Variants in RAB3C observed in about 807,000 individuals in gnomAD.
The protein encoded by RAB3C is ras-related protein Rab-3C.
A neutral mutation model predicts 26.4 loss-of-function variants in RAB3C; 17 were observed. That is an observed-to-expected ratio of 0.64 (90% CI 0.44 to 0.97). The LOEUF (loss-of-function observed/expected upper bound fraction) is 0.97, where lower values mean the gene tolerates loss of function less well. Ranked by LOEUF, RAB3C falls within the 50% of genes least tolerant of loss-of-function variation. The pLI is 0.00. For synonymous variants in RAB3C, 91 were observed against 95.9 expected, an observed-to-expected ratio of 0.95 and a Z score of 0.30; for missense variants, 242 against 281.9, an observed-to-expected ratio of 0.86 and a Z score of 1.01.
chr5:58,718,864 G>A (rs293027), intron 2 of RAB3C, among the ~76,000 whole-genome samples: 82,178 of 151,470 alleles, frequency 0.54, 22,649 homozygotes, highest in Non-Finnish European at 0.6. Context: ...AACTGCTCTA[G>A]GGAAAAAGTT....
intron 2 of RAB3C, among the ~76,000 whole-genome samples, chr5:58,705,895 A>T (rs1748934234): frequency 6.6e-6 from 1 of 152,156 alleles, no homozygotes; most frequent in Admixed American, 6.6e-5. Context: ...ATGGGAGATA[A>T]GGCTGCACTT....
At chr5:58,807,807 G>A (rs1742976229) in intron 3 of RAB3C, among the ~76,000 whole-genome samples, 1 of 150,466 alleles carries the variant, frequency 6.6e-6, no homozygotes, top group South Asian at 2.1e-4. Flanking sequence ...ATAGCACAGT[G>A]GGTACTCTCC....
At chr5:58,598,643 G>C (rs1051616727) in intron 1 of RAB3C, among the ~76,000 whole-genome samples, 4 of 152,058 alleles carry the variant, frequency 2.6e-5, no homozygotes, top group Non-Finnish European at 4.4e-5. Context: ...CCTCCTTGTA[G>C]TGTGTCTGGA....
intron 2 of RAB3C, among the ~76,000 whole-genome samples, chr5:58,658,970 A>T (rs1747840295): frequency 6.6e-6 from 1 of 152,170 alleles, no homozygotes; most frequent in Admixed American, 6.5e-5. Context: ...GTCCAGCCCA[A>T]ATTCAAAGGA....
At chr5:58,669,891 A>G (rs574678924) in intron 2 of RAB3C, among the ~76,000 whole-genome samples, 113 of 152,196 alleles carry the variant, frequency 7.4e-4, no homozygotes, top group African/African-American at 2.6e-3. Flanking sequence ...TCCTTAACCA[A>G]TGCTTTTTCC....
intron 3 of RAB3C, among the ~76,000 whole-genome samples, chr5:58,785,756 A>C (rs1337733232): frequency 1.3e-5 from 2 of 152,246 alleles, no homozygotes; most frequent in Non-Finnish European, 2.9e-5. Context: ...TACAGTTGCT[A>C]ATCAGCTGAC....
chr5:58,610,837 A>C (rs1746684043), intron 1 of RAB3C, among the ~76,000 whole-genome samples: 1 of 152,038 alleles, frequency 6.6e-6, no homozygotes, highest in South Asian at 2.1e-4. Flanking sequence ...TGTTGTACAG[A>C]TTATTTCATC....
rs180742655 is a variant in RAB3C, at chr5:58,715,282, A to T, written c.253-10720A>T. ...TAGCCTTTTCTCCAGGACTAAAAGT[A>T]TTTTTTTTTTCCTAGAGGGTAGACA... On this transcript the variant is annotated intron_variant, in intron 2 of 4. Coordinates refer to ENST00000282878, the MANE Select transcript of RAB3C (RefSeq NM_138453.4). 6.7e-3 allele frequency among the ~76,000 whole-genome samples: 991 copies of T among 148,334 alleles called. 9 individuals carry two copies. The highest frequency in any genetic ancestry group is 0.023 in the African/African-American group (932 of 40,538).
At chr5:58,797,555 TC>T in intron 3 of RAB3C, among the ~76,000 whole-genome samples, 1 of 151,698 alleles carries the variant, frequency 6.6e-6, no homozygotes, top group Non-Finnish European at 1.5e-5. Flanking sequence ...ATAAACGTCC[TC>T]CTTCCCTCCA....
chr5:58,787,831 G>T (rs1742425986), intron 3 of RAB3C, among the ~76,000 whole-genome samples: 1 of 152,222 alleles, frequency 6.6e-6, no homozygotes, highest in Non-Finnish European at 1.5e-5. Context: ...TGACGTTCAA[G>T]TCAGTGCTGT....
intron 1 of RAB3C, among the ~76,000 whole-genome samples, chr5:58,603,970 G>T (rs10064903): frequency 0.017 from 2,525 of 152,266 alleles, 69 homozygotes; most frequent in African/African-American, 0.056. Context: ...GAAGGCTGTT[G>T]TTCAGATTTC....
At chr5:58,763,524 C>A (rs1212760457) in intron 3 of RAB3C, among the ~76,000 whole-genome samples, 2 of 152,184 alleles carry the variant, frequency 1.3e-5, no homozygotes, top group African/African-American at 4.8e-5. Context: ...GTGAGTAGAT[C>A]TGGTTCTTCT....
intron 2 of RAB3C, among the ~76,000 whole-genome samples, chr5:58,679,300 A>G (rs948632465): frequency 2.0e-5 from 3 of 152,148 alleles, no homozygotes; most frequent in East Asian, 3.9e-4. Flanking sequence ...CTTGATCTCT[A>G]TGAGACTCAT....
chr5:58,649,683 C>G (rs1747602837), intron 2 of RAB3C, among the ~76,000 whole-genome samples: 1 of 152,102 alleles, frequency 6.6e-6, no homozygotes, highest in South Asian at 2.1e-4. Context: ...GCCCGACAAG[C>G]TCTTGTCTCT....
chr5:58,599,157 A>G (rs1746395180), intron 1 of RAB3C, among the ~76,000 whole-genome samples: 1 of 152,172 alleles, frequency 6.6e-6, no homozygotes, highest in East Asian at 1.9e-4. Flanking sequence ...GCTCTTATCC[A>G]TACTCACATC....
At chr5:58,620,200 T>C (rs1746906938) in intron 2 of RAB3C, among the ~76,000 whole-genome samples, 1 of 152,176 alleles carries the variant, frequency 6.6e-6, no homozygotes, top group Non-Finnish European at 1.5e-5. Flanking sequence ...TGGGAATCCT[T>C]CACTTTCCCC....
intron 2 of RAB3C, among the ~76,000 whole-genome samples, chr5:58,651,716 C>T (rs1425988400): frequency 2.6e-5 from 4 of 152,094 alleles, no homozygotes; most frequent in African/African-American, 7.2e-5. Flanking sequence ...AGAATATGAT[C>T]GTAATCAAGA....
chr5:58,802,110 GT>G (rs5868136), intron 3 of RAB3C, among the ~76,000 whole-genome samples: 88,780 of 151,934 alleles, frequency 0.58, 26,380 homozygotes, highest in Middle Eastern at 0.69. Context: ...ACATTTAGAA[GT>G]TTTTTTTAAT....
chr5:58,806,553 G>A (rs572535678), intron 3 of RAB3C, among the ~76,000 whole-genome samples: 10 of 152,294 alleles, frequency 6.6e-5, no homozygotes, highest in African/African-American at 2.4e-4. Flanking sequence ...GGTTCTGTTA[G>A]AACTGAGTTT....
Sources: allele counts gnomAD v4.1 joint callset (sites outside exome capture counted in the v4.1 genomes callset), GRCh38; gene constraint gnomAD v4.1.1; transcripts MANE v1.5; gene names NCBI Gene and HGNC (gene_info 2026-07-23, HGNC 2026-07-21).